PAK1: variants seen among roughly 807,000 people sequenced by gnomAD.
PAK1 encodes serine/threonine-protein kinase PAK 1.
PAK1 carries 29 observed loss-of-function variants against 67.4 expected under a neutral mutation model. That is an observed-to-expected ratio of 0.43 (90% confidence interval 0.32 to 0.59). The LOEUF (loss-of-function observed/expected upper bound fraction) is 0.59, where lower values mean the gene tolerates loss of function less well. Among genes scored for constraint, PAK1 ranks in the 20% least tolerant of loss-of-function variants. PAK1 has a pLI of 0.07. For synonymous variants in PAK1, 223 were observed against 237.4 expected, an observed-to-expected ratio of 0.94 and a Z score of 0.56; for missense variants, 337 against 670.7, an observed-to-expected ratio of 0.50 and a Z score of 5.50.
the PAK1 span, among the ~76,000 whole-genome samples, chr11:77,496,167 C>T: frequency 6.6e-6 from 1 of 151,720 alleles, no homozygotes; most frequent in Admixed American, 6.6e-5. Context: ...TACAGGCGCC[C>T]ACCACCATGC....
intron 1 of PAK1, among the ~76,000 whole-genome samples, chr11:77,410,583 A>AG (rs1954354332): frequency 6.6e-6 from 1 of 151,592 alleles, no homozygotes; most frequent in Non-Finnish European, 1.5e-5. Flanking sequence ...CCTAATCAAG[A>AG]GGGGGAGGAT....
intron 2 of PAK1, among the ~76,000 whole-genome samples, chr11:77,386,460 T>C (rs1950463234): frequency 6.6e-6 from 1 of 152,210 alleles, no homozygotes; most frequent in African/African-American, 2.4e-5. Flanking sequence ...CTCCAGATCC[T>C]AACCACAGGA....
the PAK1 span, among the ~76,000 whole-genome samples, chr11:77,486,384 C>G: frequency 6.6e-6 from 1 of 151,962 alleles, no homozygotes; most frequent in Non-Finnish European, 1.5e-5. Flanking sequence ...GGCAAGATGG[C>G]TGAATAAAAG....
intron 1 of PAK1, among the ~76,000 whole-genome samples, chr11:77,410,129 G>GGGCTACCT (rs1157021941): frequency 6.6e-6 from 1 of 151,902 alleles, no homozygotes; most frequent in East Asian, 1.9e-4. Context: ...CTTCTTTCCT[G>GGGCTACCT]GGCTACCTCC....
intron 2 of PAK1, 128 bp downstream of exon 2, chr11:77,392,203 G>A: frequency 1.5e-6 from 1 of 673,720 alleles, no homozygotes; most frequent in Non-Finnish European, 2.4e-6. Context: ...AGGGAGAAAG[G>A]GAAATATTTA....
At chr11:77,524,249 T>A in the PAK1 span, among the ~76,000 whole-genome samples, 2 of 152,236 alleles carry the variant, frequency 1.3e-5, no homozygotes. Flanking sequence ...GCCTGCCTCA[T>A]GTCTGGACTT....
At chr11:77,482,949 C>A in the PAK1 span, among the ~76,000 whole-genome samples, 1 of 152,148 alleles carries the variant, frequency 6.6e-6, no homozygotes, top group Non-Finnish European at 1.5e-5. Context: ...GTAATCCCAG[C>A]ATTTTGGGAG....
chr11:77,497,278 C>T, the PAK1 span, among the ~76,000 whole-genome samples: 1 of 152,268 alleles, frequency 6.6e-6, no homozygotes, highest in Non-Finnish European at 1.5e-5. Flanking sequence ...TAATTATTGC[C>T]CTCAAAAGGT....
In PAK1 at chr11:77,469,045, CT is replaced by C. The variant is rs573787675; in HGVS notation, c.-22+4506del. ...TGTAAATCTGTCTTCACCAAGCCTTCTAATACACACACAAAAAAAACATACC... is the reference window on the plus strand; with the variant it reads ...TGTAAATCTGTCTTCACCAAGCCTTCAATACACACACAAAAAAAACATACC... On this transcript the variant is annotated intron_variant, in intron 1 of 14. Transcript: ENST00000356341. Among the ~76,000 whole-genome samples, 8 of 152,254 alleles carry C rather than the reference CT, an allele frequency of 5.3e-5. 1 individual carries two copies. The South Asian group carries it at 1.7e-3, about 32-fold the overall frequency.
the PAK1 span, among the ~76,000 whole-genome samples, chr11:77,501,468 G>A: frequency 6.6e-6 from 1 of 152,104 alleles, no homozygotes; most frequent in Non-Finnish European, 1.5e-5. Flanking sequence ...CTCTTCTCGG[G>A]TAATAAGCAA....
intron 1 of PAK1, among the ~76,000 whole-genome samples, chr11:77,431,697 G>A (rs1955868045): frequency 6.6e-6 from 1 of 152,052 alleles, no homozygotes; most frequent in Non-Finnish European, 1.5e-5. Flanking sequence ...TATCAAAATG[G>A]CACTCTTCAT....
intron 1 of PAK1, among the ~76,000 whole-genome samples, chr11:77,396,144 T>G (rs1951804002): frequency 2.0e-5 from 3 of 152,242 alleles, no homozygotes; most frequent in Admixed American, 2.0e-4. Flanking sequence ...TTCTCAGTCC[T>G]TTTACTATGT....
At chr11:77,480,521 G>GTTT in the PAK1 span, among the ~76,000 whole-genome samples, 77 of 121,276 alleles carry the variant, frequency 6.3e-4, 1 homozygote, top group African/African-American at 1.9e-3. Context: ...AACCACCATG[G>GTTT]TTTTTTTTTT....
At chr11:77,379,504 C>T in intron 3 of PAK1, 116 bp from the exon 4 acceptor site, 2 of 886,446 alleles carry the variant, frequency 2.3e-6, no homozygotes, top group Non-Finnish European at 3.5e-6. Flanking sequence ...TTAGTCATTC[C>T]TTTCTCTCTA....
chr11:77,352,001 AC>A (rs1312256917), intron 8 of PAK1, among the ~76,000 whole-genome samples: 19 of 152,200 alleles, frequency 1.2e-4, no homozygotes, highest in African/African-American at 4.6e-4. Context: ...TTCCCTCATG[AC>A]TATTCCTACT....
At chr11:77,379,561 G>C in intron 3 of PAK1, 173 bp from the exon 4 acceptor site, 1 of 617,026 alleles carries the variant, frequency 1.6e-6, no homozygotes, top group Non-Finnish European at 2.8e-6. Context: ...CTTTCTCATT[G>C]AATTAGTCAT....
intron 1 of PAK1, among the ~76,000 whole-genome samples, chr11:77,429,071 A>AAAAAAAAAAAAAAAAAAAC (rs1955725007): frequency 1.2e-5 from 1 of 81,380 alleles, no homozygotes; most frequent in Non-Finnish European, 2.8e-5. Context: ...AAAAAAAAAA[A>AAAAAAAAAAAAAAAAAAAC]AAAAAAAAAA....
intron 14 of PAK1, among the ~76,000 whole-genome samples, chr11:77,324,766 CACACACACACAG>C (rs138638629): frequency 0.11 from 16,318 of 148,374 alleles, 2,124 homozygotes; most frequent in African/African-American, 0.32. Context: ...CACACACACA[CACACACACACAG>C]AGAGAGAGAG....
chr11:77,395,678 C>T (rs2137534969), intron 1 of PAK1, among the ~76,000 whole-genome samples: 1 of 152,252 alleles, frequency 6.6e-6, no homozygotes, highest in African/African-American at 2.4e-5. Flanking sequence ...AAATCTTACT[C>T]ATCCATCAAG....
Sources: gnomAD v4.1 joint callset for allele counts (sites outside exome capture counted in the v4.1 genomes callset) on GRCh38, gnomAD v4.1.1 for gene constraint, MANE v1.5 for transcripts, NCBI Gene and HGNC (gene_info 2026-07-23, HGNC 2026-07-21) for gene names.